Variants in SERINC1 observed in about 807,000 individuals in gnomAD.
SERINC1 encodes serine incorporator 1, also known as tumor differentially expressed protein 2.
A neutral mutation model predicts 52.9 loss-of-function variants in SERINC1; 38 were observed. That is an observed-to-expected ratio of 0.72 (90% confidence interval 0.55 to 0.94). SERINC1 has a LOEUF of 0.94. Ranked by LOEUF, SERINC1 falls within the 40% of genes least tolerant of loss-of-function variation. The pLI, the probability that SERINC1 is intolerant of heterozygous loss-of-function variation, is 0.00. For synonymous variants in SERINC1, 198 were observed against 183.1 expected, an observed-to-expected ratio of 1.08 and a Z score of -0.66; for missense variants, 471 against 533.9, an observed-to-expected ratio of 0.88 and a Z score of 1.16.
rs1031116499 is a variant in SERINC1 at position 122,445,938 on chromosome 6, G to T, written c.1227-759C>A. On this transcript the variant is annotated intron_variant, in intron 9 of 9. Coordinates refer to ENST00000339697, the MANE Select transcript of SERINC1 (RefSeq NM_020755.4). ...TTCTTATAGCTTAATACGCTACAGT[G>T]TAAGAATTAAAAAATATATATACTT... 6.1e-5 allele frequency among the ~76,000 whole-genome samples: 9 copies of T among 147,818 alleles called. No individual in the cohort carries two copies. In the East Asian group the frequency reaches 1.8e-3, roughly 30 times the overall value.
intron 7 of SERINC1, among the ~76,000 whole-genome samples, chr6:122,449,291 G>T (rs1562212971): frequency 6.6e-6 from 1 of 152,170 alleles, no homozygotes; most frequent in South Asian, 2.1e-4. Flanking sequence ...AGCTGAGACA[G>T]GTCAAAAGCT....
At position 122,443,757 on chromosome 6, in the gene SERINC1, A is replaced by G. The variant is rs748852314; in HGVS notation, c.*1287T>C. 2.6e-5 allele frequency: 4 copies of G among 152,204 alleles called. No individual in the cohort carries two copies. Among genetic ancestry groups the G allele is most frequent in the Non-Finnish European group, 5.9e-5 (4 of 68,034 alleles). 9.4% of individuals were successfully genotyped at this position (152,204 alleles called of 1,614,324 possible). On this transcript the variant is annotated 3_prime_UTR_variant, in exon 10 of 10. Transcript: ENST00000339697. ...CACATCACATAAATTATCCACCAGT[A>G]ATGAGGTGTAAAATCAATTATGCAT...
At chr6:122,455,646 C>G (rs1015793444) in intron 3 of SERINC1, among the ~76,000 whole-genome samples, 1 of 152,002 alleles carries the variant, frequency 6.6e-6, no homozygotes, top group Non-Finnish European at 1.5e-5. Flanking sequence ...TCTAGAGAAC[C>G]CTAATACACT....
At chr6:122,446,664 G>A in intron 9 of SERINC1, 110 bp downstream of exon 9, 1 of 687,014 alleles carries the variant, frequency 1.5e-6, no homozygotes, top group Non-Finnish European at 2.5e-6. Flanking sequence ...TGTACATTTT[G>A]AAATATATCA....
rs372139723 is a variant in SERINC1 at position 122,446,944 on chromosome 6, T to C, written c.1056A>G (p.Thr352=). The C allele has an allele frequency of 3.7e-6, 6 of 1,613,740 alleles. No homozygotes were observed. The African/African-American group carries it at 6.7e-5, about 18-fold the overall frequency. The change falls in exon 9 of 10, where the codon ACA becomes ACG. Residue 352 remains threonine, a synonymous_variant. Transcript: ENST00000339697. ...TTCTAGCTCCACCATCTTCTATTAA[T>C]GTAGATTCATCACTTGTTAGAGTCA... ...NKLTLTSDES[T]LIEDGGARSD...
chr6:122,465,143 G>C (rs1034332814), intron 1 of SERINC1, among the ~76,000 whole-genome samples: 1 of 151,966 alleles, frequency 6.6e-6, no homozygotes. Context: ...TAGAAACTAC[G>C]AAGTAGTAAC....
At chr6:122,461,407 A>G (rs1775097142) in intron 1 of SERINC1, among the ~76,000 whole-genome samples, 1 of 152,020 alleles carries the variant, frequency 6.6e-6, no homozygotes, top group Non-Finnish European at 1.5e-5. Flanking sequence ...AAAAATATGT[A>G]AACATAGAAT....
At chr6:122,471,649 CT>C in intron 1 of SERINC1, 49 bp downstream of exon 1, 1 of 1,613,412 alleles carries the variant, frequency 6.2e-7, no homozygotes, top group Non-Finnish European at 8.5e-7. Context: ...GGATCGCCTT[CT>C]CTTTGGTCTC....
chr6:122,453,673 T>C, intron 5 of SERINC1, 97 bp downstream of exon 5: 1 of 995,536 alleles, frequency 1.0e-6, no homozygotes, highest in Non-Finnish European at 1.4e-6. Flanking sequence ...CATAGGAAAG[T>C]AGACCATAAA....
chr6:122,452,687 A>G (rs2114479224), intron 5 of SERINC1, among the ~76,000 whole-genome samples: 1 of 152,334 alleles, frequency 6.6e-6, no homozygotes, highest in African/African-American at 2.4e-5. Flanking sequence ...GGATCCATCC[A>G]ACAAATATTT....
At chr6:122,453,310 T>C (rs929872857) in intron 5 of SERINC1, among the ~76,000 whole-genome samples, 3 of 152,224 alleles carry the variant, frequency 2.0e-5, no homozygotes, top group African/African-American at 7.2e-5. Flanking sequence ...TTAGTTGTTA[T>C]TGATGCACAT....
chr6:122,444,797 C>A lies in SERINC1; in HGVS notation c.*247G>T. On this transcript the variant is annotated 3_prime_UTR_variant, in exon 10 of 10. Coordinates refer to ENST00000339697, the MANE Select transcript of SERINC1 (RefSeq NM_020755.4). ...CACAACTATAGAGCAGAGAATAAGC[C>A]CAATAATGGCCACTTTTACTAACTC... The A allele has an allele frequency of 2.2e-6, 1 of 445,814 alleles. No homozygotes were observed. The allele number at this position is 445,814 out of a possible 1,614,324, so 27.6% of individuals were successfully genotyped here.
rs111715582 is a variant in SERINC1 at position 122,461,982 on chromosome 6, G to A, written c.40-3301C>T. ...CAAAAAAATTCTTAATGATATTTTA[G>A]CAAGTCAAAAACAGCAATATGAAAG... On this transcript the variant is annotated intron_variant, in intron 1 of 9. Transcript: ENST00000339697. Among the ~76,000 whole-genome samples, 1,101 of 152,146 alleles carry A rather than the reference G, an allele frequency of 7.2e-3. 16 individuals are homozygous for A. Among genetic ancestry groups the A allele is most frequent in the East Asian group, 0.044 (227 of 5,178 alleles).
intron 7 of SERINC1, among the ~76,000 whole-genome samples, chr6:122,449,594 T>C (rs1006951435): frequency 6.6e-6 from 1 of 152,138 alleles, no homozygotes; most frequent in Admixed American, 6.6e-5. Flanking sequence ...TGAAACTAGA[T>C]GGGGTTGGTT....
rs796254626 is a variant in SERINC1, at chr6:122,444,319, T to TC, written c.*724dup. The TC allele has an allele frequency of 2.0e-5, 3 of 152,366 alleles. No homozygotes were observed. Among genetic ancestry groups the TC allele is most frequent in the African/African-American group, 7.2e-5 (3 of 41,548 alleles). The allele number at this position is 152,366 out of a possible 1,614,324, so 9.4% of individuals were successfully genotyped here. Reference sequence around the variant, plus strand: ...ACTTTCAAAGTGACTTTCAAACACTTCCTTCTAACCCATGATTATCCTTTT... The same window carrying TC: ...ACTTTCAAAGTGACTTTCAAACACTTCCCTTCTAACCCATGATTATCCTTTT... On this transcript the variant is annotated 3_prime_UTR_variant, in exon 10 of 10. Coordinates refer to ENST00000339697, the MANE Select transcript of SERINC1 (RefSeq NM_020755.4).
intron 7 of SERINC1, among the ~76,000 whole-genome samples, chr6:122,451,007 T>C (rs1479807528): frequency 6.6e-6 from 1 of 152,114 alleles, no homozygotes; most frequent in African/African-American, 2.4e-5. Flanking sequence ...CAGGAGCAGG[T>C]TTAAGAGGAT....
At chr6:122,466,213 G>A (rs1775188594) in intron 1 of SERINC1, among the ~76,000 whole-genome samples, 1 of 152,136 alleles carries the variant, frequency 6.6e-6, no homozygotes, top group African/African-American at 2.4e-5. Flanking sequence ...ACGCCACTAC[G>A]CTCCATCCCG....
Position 122,451,772 on chromosome 6 carries a change from A to ATATATATATAT in SERINC1, c.760-19_760-18insATATATATATA, listed in dbSNP as rs1490435665. ...TGTGATTCCTACAAAAAAAAAAAAAAAAAAATATATATATATATATATAGC... is the reference window on the plus strand; with the variant it reads ...TGTGATTCCTACAAAAAAAAAAAAAATATATATATATAAAAATATATATATATATATATAGC... On this transcript the variant is annotated intron_variant, in intron 6 of 9. Coordinates refer to ENST00000339697, the MANE Select transcript of SERINC1 (RefSeq NM_020755.4). 105 of 246,732 alleles carry ATATATATATAT rather than the reference A, an allele frequency of 4.3e-4. 1 individual carries two copies. The East Asian group carries it at 8.2e-3, about 19-fold the overall frequency. The allele number at this position is 246,732 out of a possible 1,614,324, so 15.3% of individuals were successfully genotyped here.
In SERINC1 at chr6:122,470,875, G is replaced by A. The variant is rs534509646; in HGVS notation, c.39+824C>T. Among the ~76,000 whole-genome samples, 173 of 151,984 alleles carry A rather than the reference G, an allele frequency of 1.1e-3. 1 individual carries two copies. Among genetic ancestry groups the A allele is most frequent in the Admixed American group, 2.4e-3 (37 of 15,272 alleles). ...TGTTTTGCCTACTATTTTGGAGGGGGCAGAGATTATCTTAAATAAACTGAA... is the reference window on the plus strand; with the variant it reads ...TGTTTTGCCTACTATTTTGGAGGGGACAGAGATTATCTTAAATAAACTGAA... On this transcript the variant is annotated intron_variant, in intron 1 of 9. Coordinates refer to ENST00000339697, the MANE Select transcript of SERINC1 (RefSeq NM_020755.4).
Sources: gnomAD v4.1 joint callset for allele counts (sites outside exome capture counted in the v4.1 genomes callset) on GRCh38, gnomAD v4.1.1 for gene constraint, MANE v1.5 for transcripts, NCBI Gene and HGNC (gene_info 2026-07-23, HGNC 2026-07-21) for gene names.